PAPSS1: variants seen among roughly 807,000 people sequenced by gnomAD.
PAPSS1 encodes the protein bifunctional 3'-phosphoadenosine 5'-phosphosulfate synthase 1.
A neutral mutation model predicts 72.0 loss-of-function variants in PAPSS1; 50 were observed. The ratio of observed to expected loss-of-function variants is 0.69; its 90% confidence interval spans 0.55 to 0.88. The LOEUF (loss-of-function observed/expected upper bound fraction) is 0.88, where lower values mean the gene tolerates loss of function less well. Ranked by LOEUF, PAPSS1 falls within the 40% of genes least tolerant of loss-of-function variation. The pLI, the probability that PAPSS1 is intolerant of heterozygous loss-of-function variation, is 0.00. For missense variants in PAPSS1, 657 were observed against 782.2 expected (o/e 0.84, Z 1.91); for synonymous variants, 261 against 263.6 (o/e 0.99, Z 0.09).
chr4:107,687,351 T>A (rs1194131857), intron 3 of PAPSS1, among the ~76,000 whole-genome samples, 174 bp from the exon 4 acceptor site: 2 of 152,178 alleles, frequency 1.3e-5, no homozygotes, highest in Admixed American at 1.3e-4. Flanking sequence ...ATTCCTATTA[T>A]TCATGACAAT....
intron 9 of PAPSS1, among the ~76,000 whole-genome samples, chr4:107,651,482 A>G (rs1201653079): frequency 1.3e-5 from 2 of 152,208 alleles, no homozygotes; most frequent in Admixed American, 6.5e-5. Context: ...GGTAATTTAT[A>G]AAGAAAAGAG....
chr4:107,670,163 T>C (rs1560578585), intron 5 of PAPSS1, among the ~76,000 whole-genome samples: 1 of 152,334 alleles, frequency 6.6e-6, no homozygotes, highest in East Asian at 1.9e-4. Flanking sequence ...AAAGACAACA[T>C]ACTATAAATA....
intron 3 of PAPSS1, among the ~76,000 whole-genome samples, chr4:107,690,097 C>G (rs1722879004): frequency 6.6e-6 from 1 of 152,166 alleles, no homozygotes; most frequent in Admixed American, 6.5e-5. Flanking sequence ...TGGCTAGTCT[C>G]CTACCTCCAG....
At chr4:107,630,403 C>T (rs1455683838) in intron 11 of PAPSS1, among the ~76,000 whole-genome samples, 2 of 152,090 alleles carry the variant, frequency 1.3e-5, no homozygotes, top group African/African-American at 2.4e-5. Context: ...CAGTTTCCCC[C>T]ATGCTGTTTA....
At chr4:107,639,361 T>C (rs1043309835) in intron 10 of PAPSS1, among the ~76,000 whole-genome samples, 5 of 152,196 alleles carry the variant, frequency 3.3e-5, no homozygotes, top group African/African-American at 9.6e-5. Context: ...AGGTCCACAA[T>C]TGCTTATCTA....
At chr4:107,661,748 G>A (rs1727187491) in intron 5 of PAPSS1, among the ~76,000 whole-genome samples, 1 of 152,024 alleles carries the variant, frequency 6.6e-6, no homozygotes, top group Non-Finnish European at 1.5e-5. Context: ...TTTTCCTGAG[G>A]AATAGATGAC....
chr4:107,703,793 C>T (rs1039131965), intron 1 of PAPSS1, among the ~76,000 whole-genome samples: 5 of 152,114 alleles, frequency 3.3e-5, no homozygotes, highest in Admixed American at 6.5e-5. Context: ...TAATACCTCC[C>T]GCTTTGTTAT....
At chr4:107,718,651 TCAC>T (rs781354601) in intron 1 of PAPSS1, among the ~76,000 whole-genome samples, 2 of 152,370 alleles carry the variant, frequency 1.3e-5, no homozygotes, top group Non-Finnish European at 2.9e-5. Context: ...CCCACATTTT[TCAC>T]CACCATGTCT....
chr4:107,637,642 A>G (rs1035187627), intron 10 of PAPSS1, among the ~76,000 whole-genome samples: 13 of 152,184 alleles, frequency 8.5e-5, no homozygotes, highest in Admixed American at 8.5e-4. Context: ...TCACACCAAA[A>G]TCTGCATTTA....
chr4:107,679,124 C>A (rs555240801), intron 5 of PAPSS1, among the ~76,000 whole-genome samples: 1 of 152,086 alleles, frequency 6.6e-6, no homozygotes, highest in African/African-American at 2.4e-5. Flanking sequence ...AAAAACCCAC[C>A]TCAAGACTCA....
chr4:107,635,468 A>G (rs148955123), intron 10 of PAPSS1, among the ~76,000 whole-genome samples: 4 of 152,348 alleles, frequency 2.6e-5, no homozygotes, highest in African/African-American at 9.6e-5. Flanking sequence ...AACAAAGCCA[A>G]GAAGATGCTC....
At chr4:107,635,577 C>G (rs1726353271) in intron 10 of PAPSS1, among the ~76,000 whole-genome samples, 1 of 152,044 alleles carries the variant, frequency 6.6e-6, no homozygotes, top group African/African-American at 2.4e-5. Flanking sequence ...CTACATACTT[C>G]CAATCTCCTA....
intron 1 of PAPSS1, 122 bp from the exon 2 acceptor site, chr4:107,701,407 G>GA: frequency 2.0e-6 from 1 of 505,832 alleles, no homozygotes; most frequent in Non-Finnish European, 3.4e-6. Flanking sequence ...AGATAAAACA[G>GA]TTTTTTTTTT....
At chr4:107,677,934 C>T (rs9784507) in intron 5 of PAPSS1, among the ~76,000 whole-genome samples, 5,801 of 151,720 alleles carry the variant, frequency 0.038, 339 homozygotes, top group African/African-American at 0.13. Flanking sequence ...ACTATCGCAA[C>T]GACAAAAAAC....
At chr4:107,627,815 C>T (rs922693382) in intron 11 of PAPSS1, among the ~76,000 whole-genome samples, 4 of 152,092 alleles carry the variant, frequency 2.6e-5, no homozygotes, top group South Asian at 2.1e-4. Context: ...CAGCACACCG[C>T]TTTTACAGTT....
At chr4:107,670,709 A>T (rs1048788933) in intron 5 of PAPSS1, among the ~76,000 whole-genome samples, 5 of 151,902 alleles carry the variant, frequency 3.3e-5, no homozygotes, top group Admixed American at 1.3e-4. Context: ...TTTAAAAAAA[A>T]TTTTTGGAGA....
intron 11 of PAPSS1, among the ~76,000 whole-genome samples, chr4:107,617,852 C>T (rs1246161753): frequency 1.3e-5 from 2 of 152,112 alleles, no homozygotes; most frequent in Non-Finnish European, 2.9e-5. Context: ...TCAAGTCGAC[C>T]ATGATATACG....
chr4:107,695,703 T>C (rs1035008343), intron 2 of PAPSS1, among the ~76,000 whole-genome samples: 1 of 152,222 alleles, frequency 6.6e-6, no homozygotes, highest in African/African-American at 2.4e-5. Flanking sequence ...AACATAGATG[T>C]TGAATTTTAT....
Position 107,644,922 on chromosome 4 carries a change from A to T in PAPSS1, c.1386T>A (p.Asp462Glu). ...HPLGGWTKDD[D>E]VPLMWRMKQH... Reference sequence around the variant, plus strand: ...GCTTCATACGCCACATCAAAGGAACATCGTCATCCTTTGTCCAGCCACCCA... The same window carrying T: ...GCTTCATACGCCACATCAAAGGAACTTCGTCATCCTTTGTCCAGCCACCCA... Residue 462 changes from aspartate (D) to glutamate (E), a missense_variant, in exon 10 of 12, where the codon GAT becomes GAA. Asp to Glu is a conservative substitution (Grantham distance 45). Transcript: ENST00000265174. The T allele has an allele frequency of 6.2e-7, 1 of 1,614,104 alleles. No homozygotes were observed. Among genetic ancestry groups the T allele is most frequent in the Non-Finnish European group, 8.5e-7 (1 of 1,179,974 alleles).
Sources: gnomAD v4.1 joint callset for allele counts (sites outside exome capture counted in the v4.1 genomes callset) on GRCh38, gnomAD v4.1.1 for gene constraint, MANE v1.5 for transcripts, NCBI Gene and HGNC (gene_info 2026-07-23, HGNC 2026-07-21) for gene names.